The following PTPRD variants were observed in gnomAD, a reference collection of about 807,000 sequenced individuals.
The protein encoded by PTPRD is protein tyrosine phosphatase receptor type D.
PTPRD carries 34 observed loss-of-function variants against 214.5 expected under a neutral mutation model. That is an observed-to-expected ratio of 0.16 (90% CI 0.12 to 0.21). The LOEUF (loss-of-function observed/expected upper bound fraction) is 0.21. PTPRD is among the 10% of genes least tolerant of loss of function. The pLI, the probability that PTPRD is intolerant of heterozygous loss-of-function variation, is 1.00. For synonymous variants in PTPRD, 1,128 were observed against 845.7 expected (o/e 1.33, Z -5.79); for missense variants, 2,545 against 2,398.7 (o/e 1.06, Z -1.27).
At chr9:8,375,907 C>T (rs2083117426) in intron 39 of PTPRD, 29 bp downstream of exon 39, 1 of 1,592,870 alleles carries the variant, frequency 6.3e-7, no homozygotes, top group African/African-American at 1.4e-5. Context: ...TTTCTGTTTC[C>T]TGACTGCAAG....
At chr9:8,524,811 T>C (rs1460326636) in intron 18 of PTPRD, 114 bp downstream of exon 18, 1 of 866,190 alleles carries the variant, frequency 1.2e-6, no homozygotes, top group Non-Finnish European at 2.0e-6. Flanking sequence ...TCAGCTACGG[T>C]CACTATTACC....
chr9:9,877,645 T>C (rs776078456), intron 5 of PTPRD, among the ~76,000 whole-genome samples: 1 of 151,884 alleles, frequency 6.6e-6, no homozygotes, highest in African/African-American at 2.4e-5. Context: ...ATCACCAAGA[T>C]AGGAAAACAG....
chr9:10,462,666 T>C (rs911090545), intron 2 of PTPRD, among the ~76,000 whole-genome samples: 1 of 151,206 alleles, frequency 6.6e-6, no homozygotes, highest in Admixed American at 6.6e-5. Context: ...ACAGTGAGAG[T>C]GAGCTAGTAT....
chr9:10,380,492 G>A (rs927006157), intron 2 of PTPRD, among the ~76,000 whole-genome samples: 3 of 151,946 alleles, frequency 2.0e-5, no homozygotes, highest in Non-Finnish European at 4.4e-5. Context: ...CTCTAAAAAC[G>A]AAACACATAT....
chr9:9,909,064 G>T (rs2078434915), intron 5 of PTPRD, among the ~76,000 whole-genome samples: 1 of 135,164 alleles, frequency 7.4e-6, no homozygotes, highest in African/African-American at 3.0e-5. Context: ...TATTTTCCAG[G>T]ATTGAAAAAG....
chr9:10,098,253 A>G (rs1422762799), intron 3 of PTPRD, among the ~76,000 whole-genome samples: 1 of 151,096 alleles, frequency 6.6e-6, no homozygotes, highest in Non-Finnish European at 1.5e-5. Context: ...ACAAAAAACC[A>G]AACACCGCGT....
At chr9:9,628,544 C>G (rs1324992950) in intron 7 of PTPRD, among the ~76,000 whole-genome samples, 3 of 152,138 alleles carry the variant, frequency 2.0e-5, no homozygotes, top group Non-Finnish European at 4.4e-5. Flanking sequence ...CAGCTCAAAT[C>G]CTTTCACTCC....
intron 35 of PTPRD, among the ~76,000 whole-genome samples, chr9:8,432,062 T>C (rs1258572202): frequency 2.0e-5 from 3 of 152,230 alleles, no homozygotes; most frequent in African/African-American, 7.2e-5. Context: ...CAATTTTAAA[T>C]AGGCAACCAA....
chr9:8,924,662 A>G (rs1321140433), intron 11 of PTPRD, among the ~76,000 whole-genome samples: 1 of 151,944 alleles, frequency 6.6e-6, no homozygotes, highest in African/African-American at 2.4e-5. Flanking sequence ...CCTCACTTCT[A>G]CTTGCAGAAC....
intron 7 of PTPRD, among the ~76,000 whole-genome samples, chr9:9,578,867 G>C (rs1306129000): frequency 6.6e-6 from 1 of 152,076 alleles, no homozygotes; most frequent in Admixed American, 6.6e-5. Context: ...CACATACCAG[G>C]ATAGGATAAT....
chr9:9,643,164 A>G (rs180938108), intron 7 of PTPRD, among the ~76,000 whole-genome samples: 149 of 152,302 alleles, frequency 9.8e-4, no homozygotes, highest in African/African-American at 3.5e-3. Flanking sequence ...TGAGGCAGGT[A>G]TTCCTCAGAC....
intron 14 of PTPRD, among the ~76,000 whole-genome samples, chr9:8,569,383 T>C (rs1441960055): frequency 6.6e-6 from 1 of 152,118 alleles, no homozygotes; most frequent in East Asian, 1.9e-4. Flanking sequence ...AATGTTAAAA[T>C]GAAAATGCCT....
chr9:8,603,724 A>G (rs1243395031), intron 14 of PTPRD, among the ~76,000 whole-genome samples: 1 of 152,236 alleles, frequency 6.6e-6, no homozygotes, highest in African/African-American at 2.4e-5. Flanking sequence ...TCTCCTATCC[A>G]TTGATATAAT....
intron 36 of PTPRD, among the ~76,000 whole-genome samples, chr9:8,401,382 T>A (rs543452200): frequency 6.6e-6 from 1 of 152,284 alleles, no homozygotes; most frequent in African/African-American, 2.4e-5. Context: ...CCTATTGCCC[T>A]CTTCTTCAGG....
At chr9:9,770,848 G>T (rs2098746419) in intron 5 of PTPRD, among the ~76,000 whole-genome samples, 1 of 152,166 alleles carries the variant, frequency 6.6e-6, no homozygotes, top group African/African-American at 2.4e-5. Context: ...AGGGTAGGAG[G>T]TGAGGGGAAT....
chr9:10,311,213 TTGTC>T (rs2096258942), intron 3 of PTPRD, among the ~76,000 whole-genome samples: 1 of 152,012 alleles, frequency 6.6e-6, no homozygotes, highest in African/African-American at 2.4e-5. Context: ...TGTCTTAACT[TTGTC>T]TTTCTTAATA....
intron 3 of PTPRD, among the ~76,000 whole-genome samples, chr9:10,081,955 A>G (rs1389684410): frequency 2.0e-5 from 3 of 152,126 alleles, no homozygotes; most frequent in Admixed American, 1.3e-4. Context: ...TAAAAAATTT[A>G]CACTTAGGCC....
chr9:9,816,028 G>A (rs2048659825), intron 5 of PTPRD, among the ~76,000 whole-genome samples: 1 of 152,118 alleles, frequency 6.6e-6, no homozygotes. Context: ...GTGTACTCAA[G>A]AGTCACTGCA....
chr9:9,148,147 C>T (rs932570261), intron 10 of PTPRD, among the ~76,000 whole-genome samples: 1 of 152,194 alleles, frequency 6.6e-6, no homozygotes, highest in African/African-American at 2.4e-5. Flanking sequence ...CTGGTGACTA[C>T]CCTTTGTTTC....
Sources: gnomAD v4.1 joint callset for allele counts (sites outside exome capture counted in the v4.1 genomes callset) on GRCh38, gnomAD v4.1.1 for gene constraint, MANE v1.5 for transcripts, NCBI Gene and HGNC (gene_info 2026-07-23, HGNC 2026-07-21) for gene names.